LDB3: variants seen among roughly 807,000 people sequenced by gnomAD.
LDB3 encodes LIM domain binding 3.
LDB3 carries 49 observed loss-of-function variants against 69.0 expected under a neutral mutation model. The ratio of observed to expected loss-of-function variants is 0.71; its 90% CI spans 0.56 to 0.90. The LOEUF is 0.90. Ranked by LOEUF, LDB3 falls within the 40% of genes least tolerant of loss-of-function variation. The probability of loss-of-function intolerance (pLI) is 0.00; values close to 1 mark genes in which losing one functional copy is unlikely to be tolerated. For synonymous variants in LDB3, 387 were observed against 396.2 expected (o/e 0.98, Z 0.28); for missense variants, 928 against 974.1 (o/e 0.95, Z 0.63).
At chr10:86,720,298 G>A (rs1388655874) in intron 12 of LDB3, among the ~76,000 whole-genome samples, 1 of 152,114 alleles carries the variant, frequency 6.6e-6, no homozygotes, top group Non-Finnish European at 1.5e-5. Flanking sequence ...ACGAAAATTA[G>A]CCGAGCATGA....
chr10:86,674,192 T>C (rs10788523), intron 2 of LDB3, among the ~76,000 whole-genome samples: 54,515 of 152,002 alleles, frequency 0.36, 9,876 homozygotes, highest in South Asian at 0.46. Flanking sequence ...GATTTGGAGT[T>C]TTCCTGAAAC....
chr10:86,687,175 C>T (rs1366055053), intron 5 of LDB3: 1 of 1,614,134 alleles, frequency 6.2e-7, no homozygotes, highest in Non-Finnish European at 8.5e-7. Context: ...CACCATCATC[C>T]ATGCGCAGTA....
At chr10:86,680,809 A>G (rs2248537) in intron 4 of LDB3, among the ~76,000 whole-genome samples, 59,976 of 152,080 alleles carry the variant, frequency 0.39, 12,049 homozygotes, top group Middle Eastern at 0.52. Flanking sequence ...CCCTATGTGA[A>G]CTGATAGTGA....
At position 86,716,452 on chromosome 10, in the gene LDB3, T is replaced by G; in HGVS notation, c.1357T>G (p.Tyr453Asp). ...CTACACCCCCTCACCTGTCCCCACC[T>G]ACACTCCATCCCCAGCACCAGCCTA... is the stretch of plus-strand genomic sequence containing the variant. ...PAYTPSPVPT[Y>D]TPSPAPAYTP... is the part of the protein sequence containing the mutation. Residue 453 changes from tyrosine to aspartate, a missense_variant, in exon 10 of 14, where the codon TAC becomes GAC. Transcript: ENST00000361373. 7.8e-7 allele frequency: 1 copy of G among 1,276,674 alleles called. No individual in the cohort carries two copies. The highest frequency in any genetic ancestry group is 1.0e-6 in the Non-Finnish European group (1 of 981,018). The allele number at this position is 1,276,674 out of a possible 1,614,324, so 79.1% of individuals were successfully genotyped here.
rs1846167622 is a variant in LDB3, at chr10:86,699,571, T to C, written c.897-6960T>C. 1 of 1,439,438 alleles carries C rather than the reference T, an allele frequency of 6.9e-7. No homozygotes were observed. Among genetic ancestry groups the C allele is most frequent in the Non-Finnish European group, 9.1e-7 (1 of 1,098,054 alleles). 89.2% of individuals were successfully genotyped at this position (1,439,438 alleles called of 1,614,324 possible). ...GCTGGGGCCCAGCCCCCTGCAGCTC[T>C]GTACCCACCAAACCTCCCCAGGGCA... On this transcript the variant is annotated intron_variant, in intron 7 of 13. Transcript: ENST00000361373. This position sits in a 1 kb window ranked among gnomAD's most constrained non-coding sequence, Gnocchi z 4.9.
Position 86,680,116 on chromosome 10 carries a change from C to A in LDB3, c.280C>A (p.Pro94Thr), listed in dbSNP as rs565557622. Residue 94 changes from proline (P) to threonine (T), a missense_variant, in exon 4 of 14, where the codon CCT becomes ACT. Transcript: ENST00000361373. ...TCCCATTCCCATCTCCACGACAGCACCTCCAGTCCAGACCCCTCTGCCGGT... is the reference window on the plus strand; with the variant it reads ...TCCCATTCCCATCTCCACGACAGCAACTCCAGTCCAGACCCCTCTGCCGGT... ...KRPIPISTTA[P>T]PVQTPLPVIP... 9 of 1,614,236 alleles carry A rather than the reference C, an allele frequency of 5.6e-6. 1 individual carries two copies. The South Asian group carries it at 8.8e-5, about 16-fold the overall frequency.
At chr10:86,706,949 C>T (rs1474682511) in intron 8 of LDB3, among the ~76,000 whole-genome samples, 1 of 152,208 alleles carries the variant, frequency 6.6e-6, no homozygotes, top group Non-Finnish European at 1.5e-5. Flanking sequence ...GGGACACATA[C>T]ACCGGTGAGA....
chr10:86,708,351 G>T (rs565438510), intron 8 of LDB3, among the ~76,000 whole-genome samples: 14 of 152,198 alleles, frequency 9.2e-5, no homozygotes, highest in Non-Finnish European at 1.8e-4. Context: ...AGCGGGAGGT[G>T]GGGGAGCCCA....
At chr10:86,698,431 C>T (rs887717233) in intron 7 of LDB3, among the ~76,000 whole-genome samples, 3 of 152,202 alleles carry the variant, frequency 2.0e-5, no homozygotes, top group Non-Finnish European at 4.4e-5. Flanking sequence ...AGGATGTGAT[C>T]GGCCCTTCCA....
chr10:86,681,026 G>A (rs1262616982), intron 4 of LDB3, among the ~76,000 whole-genome samples: 1 of 152,234 alleles, frequency 6.6e-6, no homozygotes, highest in African/African-American at 2.4e-5. Flanking sequence ...CCCACAACCA[G>A]CCCAGGAACT....
At position 86,706,635 on chromosome 10, in the gene LDB3, C is replaced by T; in HGVS notation, c.1001C>T (p.Pro334Leu). 1 of 1,613,188 alleles carries T rather than the reference C, an allele frequency of 6.2e-7. No individual in the cohort carries two copies. ...PAAASPSAASPPLATAAAHTA... is the reference protein window; with the variant it reads ...PAAASPSAASLPLATAAAHTA... ...GCTGCCTCTCCCAGTGCGGCTTCGCCACCCCTGGCCACAGCTGCTGCCCAC... is the reference window on the plus strand; with the variant it reads ...GCTGCCTCTCCCAGTGCGGCTTCGCTACCCCTGGCCACAGCTGCTGCCCAC... Residue 334 changes from proline to leucine, a missense_variant, in exon 8 of 14, where the codon CCA becomes CTA. By Grantham distance (98) the Pro-to-Leu change is moderately conservative. Coordinates refer to ENST00000361373, the MANE Select transcript of LDB3 (RefSeq NM_007078.3).
At chr10:86,708,597 A>G (rs1564653028) in intron 8 of LDB3, among the ~76,000 whole-genome samples, 1 of 152,116 alleles carries the variant, frequency 6.6e-6, no homozygotes. Context: ...TTCCTCTTCC[A>G]TGGAGACCCC....
chr10:86,669,041 C>T (rs1447935233), intron 2 of LDB3, among the ~76,000 whole-genome samples: 1 of 151,634 alleles, frequency 6.6e-6, no homozygotes, highest in Non-Finnish European at 1.5e-5. Context: ...AGTTTTCAGG[C>T]AGGCAGGCAG....
At chr10:86,668,488 G>A (rs550096403), upstream of LDB3, 4 of 658,166 alleles carry the variant, frequency 6.1e-6, no homozygotes, top group Non-Finnish European at 1.1e-5. Context: ...AGATATCAGT[G>A]TCGATGGCAT....
At chr10:86,680,803 A>T (rs1845072243) in intron 4 of LDB3, among the ~76,000 whole-genome samples, 1 of 152,134 alleles carries the variant, frequency 6.6e-6, no homozygotes, top group Non-Finnish European at 1.5e-5. Context: ...TTCTCCCCCT[A>T]TGTGAACTGA....
intron 7 of LDB3, among the ~76,000 whole-genome samples, chr10:86,698,239 G>A (rs966000115): frequency 7.2e-5 from 11 of 152,140 alleles, no homozygotes; most frequent in Admixed American, 6.5e-4. Context: ...AATTCCTGGG[G>A]GTCACCCAAG....
At position 86,668,886 on chromosome 10, in the gene LDB3, A is replaced by G. The variant is rs1844301407; in HGVS notation, c.93+102A>G. ...GTCTGTCCTTTCTGAGCCTCTCAGA[A>G]AGCAGAGCATGCCCCATCCCCTGGG... is the stretch of plus-strand genomic sequence containing the variant. On this transcript the variant is annotated intron_variant, in intron 2 of 13. Transcript: ENST00000361373. 2.3e-5 allele frequency: 21 copies of G among 900,760 alleles called. No homozygotes were observed. In the South Asian group the frequency reaches 2.5e-4, roughly 11 times the overall value. 55.8% of individuals were successfully genotyped at this position (900,760 alleles called of 1,614,324 possible). A position where few individuals can be genotyped will look rare whatever the true frequency, so the allele number is the denominator to read the frequency against.
intron 9 of LDB3, among the ~76,000 whole-genome samples, chr10:86,715,197 G>T (rs866435853): frequency 6.6e-6 from 1 of 152,186 alleles, no homozygotes; most frequent in South Asian, 2.1e-4. Context: ...TGGGTGCAGG[G>T]ACTGCCTCAA....
At chr10:86,688,089 G>GTGTGTGTGTGTA (rs1410039579) in intron 5 of LDB3, among the ~76,000 whole-genome samples, 12 of 131,032 alleles carry the variant, frequency 9.2e-5, no homozygotes, top group African/African-American at 3.0e-4. Context: ...GTGTGTATGT[G>GTGTGTGTGTGTA]TCTGTCTATC....
Sources: gnomAD v4.1 joint callset for allele counts (sites outside exome capture counted in the v4.1 genomes callset) on GRCh38, gnomAD v4.1.1 for gene constraint, Gnocchi (gnomAD v3.1) non-coding constraint, MANE v1.5 for transcripts, NCBI Gene and HGNC (gene_info 2026-07-23, HGNC 2026-07-21) for gene names.